ATXN7L1: variants seen among roughly 807,000 people sequenced by gnomAD.
ATXN7L1 encodes ataxin-7-like protein 1.
Under a neutral mutation model 70.8 loss-of-function variants are expected in ATXN7L1, and 15 were observed. That is an observed-to-expected ratio of 0.21 (90% confidence interval 0.14 to 0.33). ATXN7L1 has a LOEUF of 0.33. ATXN7L1 is among the 10% of genes least tolerant of loss of function. ATXN7L1 has a pLI of 1.00. For missense variants in ATXN7L1, 975 were observed against 1,097.1 expected (o/e 0.89, Z 1.57); for synonymous variants, 440 against 445.1 (o/e 0.99, Z 0.14).
chr7:105,618,332 T>C (rs1794231176), intron 9 of ATXN7L1, among the ~76,000 whole-genome samples: 1 of 152,210 alleles, frequency 6.6e-6, no homozygotes, highest in South Asian at 2.1e-4. Flanking sequence ...CTGTTTGGAA[T>C]GGACACAAGT....
At chr7:105,665,600 G>T (rs527330189) in intron 3 of ATXN7L1, among the ~76,000 whole-genome samples, 3 of 152,262 alleles carry the variant, frequency 2.0e-5, no homozygotes, top group Admixed American at 2.0e-4. Flanking sequence ...GGGACACCAG[G>T]TGTCATCTGA....
At chr7:105,696,777 C>A (rs983925424) in intron 3 of ATXN7L1, among the ~76,000 whole-genome samples, 2 of 152,218 alleles carry the variant, frequency 1.3e-5, no homozygotes, top group African/African-American at 4.8e-5. Flanking sequence ...AGTACATCCA[C>A]CCCACGGAGG....
intron 7 of ATXN7L1, 72 bp from the exon 8 acceptor site, chr7:105,624,339 T>C: frequency 3.1e-6 from 4 of 1,275,688 alleles, no homozygotes; most frequent in Non-Finnish European, 4.0e-6. Context: ...ATCCACCCAG[T>C]TTAATGGTGC....
At chr7:105,804,360 G>A (rs1054732014) in intron 2 of ATXN7L1, among the ~76,000 whole-genome samples, 2 of 152,176 alleles carry the variant, frequency 1.3e-5, no homozygotes, top group Non-Finnish European at 2.9e-5. Flanking sequence ...TGCATGTATG[G>A]GTGAAGAGCC....
At chr7:105,855,771 T>C (rs1815633561) in intron 2 of ATXN7L1, among the ~76,000 whole-genome samples, 1 of 152,206 alleles carries the variant, frequency 6.6e-6, no homozygotes, top group African/African-American at 2.4e-5. Context: ...GTACAGACCT[T>C]TTCCTCTTGT....
chr7:105,815,190 A>G (rs1167158135), intron 2 of ATXN7L1, among the ~76,000 whole-genome samples: 1 of 152,190 alleles, frequency 6.6e-6, no homozygotes, highest in African/African-American at 2.4e-5. Flanking sequence ...AGAACCAGGT[A>G]TTATGGAGCG....
At chr7:105,785,787 C>T (rs1010625746) in intron 3 of ATXN7L1, among the ~76,000 whole-genome samples, 3 of 152,132 alleles carry the variant, frequency 2.0e-5, no homozygotes, top group Non-Finnish European at 4.4e-5. Flanking sequence ...TCTCTTTCCA[C>T]CATGTGAGGA....
intron 3 of ATXN7L1, among the ~76,000 whole-genome samples, chr7:105,771,707 T>C (rs750644352): frequency 1.3e-5 from 2 of 152,170 alleles, no homozygotes; most frequent in South Asian, 2.1e-4. Flanking sequence ...TGACTGTAAG[T>C]GGGTAAAGTA....
At chr7:105,633,905 C>T (rs192609144) in intron 7 of ATXN7L1, among the ~76,000 whole-genome samples, 6 of 152,262 alleles carry the variant, frequency 3.9e-5, no homozygotes, top group South Asian at 2.1e-4. Flanking sequence ...AAGGGAGAAA[C>T]AGGGACACAT....
intron 8 of ATXN7L1, among the ~76,000 whole-genome samples, chr7:105,622,986 C>T (rs193121765): frequency 6.6e-6 from 1 of 152,294 alleles, no homozygotes; most frequent in African/African-American, 2.4e-5. Flanking sequence ...TGCCTCTACA[C>T]GCCCTGCTAC....
intron 3 of ATXN7L1, among the ~76,000 whole-genome samples, chr7:105,727,972 A>T (rs1796110604): frequency 6.6e-6 from 1 of 151,536 alleles, no homozygotes; most frequent in Non-Finnish European, 1.5e-5. Flanking sequence ...TTATCTTGTA[A>T]TAATGTATTA....
intron 3 of ATXN7L1, among the ~76,000 whole-genome samples, chr7:105,720,025 G>A (rs1445446920): frequency 1.3e-5 from 2 of 152,284 alleles, no homozygotes; most frequent in East Asian, 1.9e-4. Flanking sequence ...AACTACCAAA[G>A]CCCAGTGACA....
intron 3 of ATXN7L1, among the ~76,000 whole-genome samples, chr7:105,730,699 T>G (rs1010859265): frequency 1.3e-5 from 2 of 149,558 alleles, no homozygotes; most frequent in African/African-American, 5.0e-5. Flanking sequence ...ACCAGTGCAC[T>G]CCAGCCTGGG....
At chr7:105,845,944 C>T (rs1813965228) in intron 2 of ATXN7L1, among the ~76,000 whole-genome samples, 1 of 152,104 alleles carries the variant, frequency 6.6e-6, no homozygotes, top group Admixed American at 6.5e-5. Flanking sequence ...TACAAAACTC[C>T]TAGAAGAAAA....
chr7:105,716,299 T>TGA (rs1794538261), intron 3 of ATXN7L1, among the ~76,000 whole-genome samples: 1 of 152,122 alleles, frequency 6.6e-6, no homozygotes, highest in Non-Finnish European at 1.5e-5. Flanking sequence ...ACTCTTCATA[T>TGA]CTGTAATATG....
At chr7:105,858,787 G>A (rs1463698670) in intron 2 of ATXN7L1, among the ~76,000 whole-genome samples, 1 of 151,834 alleles carries the variant, frequency 6.6e-6, no homozygotes, top group Non-Finnish European at 1.5e-5. Flanking sequence ...AGAAAAACAG[G>A]GAATAGCAAA....
intron 3 of ATXN7L1, among the ~76,000 whole-genome samples, chr7:105,776,490 ACAAC>A (rs1355423611): frequency 2.9e-5 from 3 of 104,906 alleles, no homozygotes; most frequent in African/African-American, 9.9e-5. Context: ...AAACAAACAA[ACAAC>A]CCCCCCCCCA....
At chr7:105,822,361 G>A (rs1200897900) in intron 2 of ATXN7L1, among the ~76,000 whole-genome samples, 1 of 152,214 alleles carries the variant, frequency 6.6e-6, no homozygotes, top group East Asian at 1.9e-4. Context: ...TGGGGAGGAT[G>A]GTACTGACTA....
intron 3 of ATXN7L1, among the ~76,000 whole-genome samples, chr7:105,775,524 C>T (rs996337593): frequency 6.6e-6 from 1 of 152,100 alleles, no homozygotes; most frequent in Non-Finnish European, 1.5e-5. Context: ...GAGAATACTC[C>T]GAGGGCCTCC....
Sources: gnomAD v4.1 joint callset for allele counts (sites outside exome capture counted in the v4.1 genomes callset) on GRCh38, gnomAD v4.1.1 for gene constraint, MANE v1.5 for transcripts, NCBI Gene and HGNC (gene_info 2026-07-23, HGNC 2026-07-21) for gene names.